The following PPM1H variants were observed in gnomAD, a reference collection of about 807,000 sequenced individuals.
PPM1H encodes the protein protein phosphatase, Mg2+/Mn2+ dependent 1H, also known as protein phosphatase 1H.
Under a neutral mutation model 54.9 loss-of-function variants are expected in PPM1H, and 27 were observed. That is an observed-to-expected ratio of 0.49 (90% CI 0.36 to 0.68). The LOEUF is 0.68. Ranked by LOEUF, PPM1H falls within the 30% of genes least tolerant of loss-of-function variation. The probability of loss-of-function intolerance (pLI) is 0.00; values close to 1 mark genes in which losing one functional copy is unlikely to be tolerated. For missense variants in PPM1H, 596 were observed against 667.8 expected (o/e 0.89, Z 1.19); for synonymous variants, 305 against 270.8 (o/e 1.13, Z -1.24).
chr12:62,779,221 A>AT (rs991052241), intron 4 of PPM1H, among the ~76,000 whole-genome samples: 7 of 151,664 alleles, frequency 4.6e-5, no homozygotes, highest in South Asian at 2.1e-4. Flanking sequence ...TAATATATAT[A>AT]TTTTTTTAGT....
In PPM1H at chr12:62,647,867, G is replaced by C. The variant is rs1248374400; in HGVS notation, c.*622C>G. On this transcript the variant is annotated 3_prime_UTR_variant, in exon 10 of 10. Transcript: ENST00000228705. Reference sequence around the variant, plus strand: ...TGGAAAGTCCCAGGCCTGTTCTGTGGAAGGGGAATAAAAAACAGATTCAAG... The same window carrying C: ...TGGAAAGTCCCAGGCCTGTTCTGTGCAAGGGGAATAAAAAACAGATTCAAG... 5 of 139,652 alleles carry C rather than the reference G, an allele frequency of 3.6e-5. 1 individual carries two copies. The Admixed American group carries it at 3.6e-4, about 10-fold the overall frequency. The allele number at this position is 139,652 out of a possible 1,614,324, so 8.7% of individuals were successfully genotyped here. A position where few individuals can be genotyped will look rare whatever the true frequency, so the allele number is the denominator to read the frequency against.
chr12:62,710,884 A>G (rs2076203627), intron 6 of PPM1H, among the ~76,000 whole-genome samples: 1 of 152,208 alleles, frequency 6.6e-6, no homozygotes, highest in South Asian at 2.1e-4. Context: ...TTCACTCTCC[A>G]TAATAGCTAA....
intron 1 of PPM1H, among the ~76,000 whole-genome samples, chr12:62,835,121 C>T (rs562563635): frequency 1.3e-5 from 2 of 152,168 alleles, no homozygotes; most frequent in African/African-American, 4.8e-5. Flanking sequence ...AAAAAAGCAT[C>T]GCTGATCTCC....
At chr12:62,706,281 A>G (rs972493382) in intron 6 of PPM1H, among the ~76,000 whole-genome samples, 5 of 152,184 alleles carry the variant, frequency 3.3e-5, no homozygotes, top group Non-Finnish European at 7.4e-5. Context: ...GTAGCTTCCC[A>G]TACTCTTCTG....
At chr12:62,868,110 C>G (rs629499) in intron 1 of PPM1H, among the ~76,000 whole-genome samples, 94,391 of 151,990 alleles carry the variant, frequency 0.62, 30,716 homozygotes, top group African/African-American at 0.81. Context: ...CTGCCCTCCT[C>G]CCCTGGCTTG....
intron 1 of PPM1H, among the ~76,000 whole-genome samples, chr12:62,846,239 C>T (rs1016061574): frequency 5.3e-5 from 8 of 152,182 alleles, no homozygotes; most frequent in Non-Finnish European, 8.8e-5. Flanking sequence ...TGGCTCACGC[C>T]TGTAATCCCA....
At chr12:62,667,454 G>A in intron 8 of PPM1H, 125 bp from the exon 9 acceptor site, 1 of 863,330 alleles carries the variant, frequency 1.2e-6, no homozygotes, top group Non-Finnish European at 1.7e-6. Flanking sequence ...ATGCATTGTA[G>A]GGTACTTGAT....
intron 1 of PPM1H, among the ~76,000 whole-genome samples, chr12:62,880,333 G>A (rs1344891605): frequency 6.6e-6 from 1 of 152,180 alleles, no homozygotes; most frequent in African/African-American, 2.4e-5. Context: ...GGTATTAGGT[G>A]CCCTCTTCAT....
At chr12:62,731,971 C>G (rs2076323486) in intron 5 of PPM1H, among the ~76,000 whole-genome samples, 1 of 152,070 alleles carries the variant, frequency 6.6e-6, no homozygotes, top group Admixed American at 6.5e-5. Context: ...AACCAGACAC[C>G]CTTCCCTCCT....
intron 1 of PPM1H, among the ~76,000 whole-genome samples, chr12:62,900,713 C>T (rs1194456267): frequency 6.6e-6 from 1 of 151,896 alleles, no homozygotes. Context: ...TAACCTAATC[C>T]ACATACTAAT....
chr12:62,863,168 G>A (rs145050670), intron 1 of PPM1H, among the ~76,000 whole-genome samples: 136 of 152,032 alleles, frequency 8.9e-4, no homozygotes, highest in Middle Eastern at 3.4e-3. Flanking sequence ...CCGCAGGTGC[G>A]TGCCACTACA....
At chr12:62,790,983 C>A (rs781107139) in intron 3 of PPM1H, among the ~76,000 whole-genome samples, 29 of 152,120 alleles carry the variant, frequency 1.9e-4, no homozygotes, top group Non-Finnish European at 3.7e-4. Context: ...AGAGCGGTGG[C>A]CTTTCTTGCT....
chr12:62,918,139 T>C (rs1871681348), intron 1 of PPM1H, among the ~76,000 whole-genome samples: 1 of 152,216 alleles, frequency 6.6e-6, no homozygotes, highest in Admixed American at 6.5e-5. Flanking sequence ...ATATGCAAAC[T>C]GAGGATTTAA....
Position 62,686,688 on chromosome 12 carries a change from G to A in PPM1H, c.1245+3011C>T, listed in dbSNP as rs113119408. ...AGAATTGCTATGAGGACTCAAGAGA[G>A]AACACTTGCAGAATTTTGACAAATG... On this transcript the variant is annotated intron_variant, in intron 8 of 9. Coordinates refer to ENST00000228705, the MANE Select transcript of PPM1H (RefSeq NM_020700.2). Among the ~76,000 whole-genome samples the A allele has an allele frequency of 2.8e-3, 434 of 152,312 alleles. 1 individual carries two copies. Among genetic ancestry groups the A allele is most frequent in the African/African-American group, 0.01 (421 of 41,566 alleles).
intron 2 of PPM1H, among the ~76,000 whole-genome samples, chr12:62,816,772 T>C (rs772927834): frequency 6.6e-6 from 1 of 151,912 alleles, no homozygotes; most frequent in African/African-American, 2.4e-5. Context: ...AAATAAAGTT[T>C]ATTGCCCTTG....
intron 1 of PPM1H, among the ~76,000 whole-genome samples, chr12:62,924,421 T>A (rs1027169958): frequency 6.6e-6 from 1 of 152,246 alleles, no homozygotes; most frequent in African/African-American, 2.4e-5. Flanking sequence ...CTCTGTCAGC[T>A]CAGCATTTAG....
chr12:62,766,430 CA>C (rs74691726), intron 4 of PPM1H, among the ~76,000 whole-genome samples: 27,302 of 151,818 alleles, frequency 0.18, 2,916 homozygotes, highest in African/African-American at 0.3. Context: ...TAAGTTAATA[CA>C]AAAAACATGT....
intron 4 of PPM1H, among the ~76,000 whole-genome samples, chr12:62,741,282 G>T (rs1476127589): frequency 6.6e-6 from 1 of 152,100 alleles, no homozygotes; most frequent in African/African-American, 2.4e-5. Context: ...CTTGATTCCT[G>T]CTAGTGCCTT....
intron 2 of PPM1H, among the ~76,000 whole-genome samples, chr12:62,822,171 A>G (rs1441521812): frequency 6.6e-6 from 1 of 152,230 alleles, no homozygotes; most frequent in Non-Finnish European, 1.5e-5. Context: ...GCCATTACAT[A>G]ATGGTAAAGG....
Sources: allele counts gnomAD v4.1 joint callset (sites outside exome capture counted in the v4.1 genomes callset), GRCh38; gene constraint gnomAD v4.1.1; transcripts MANE v1.5; gene names NCBI Gene and HGNC (gene_info 2026-07-23, HGNC 2026-07-21).